The following CLEC16A variants were observed in gnomAD, a reference collection of about 807,000 sequenced individuals.
CLEC16A encodes the protein C-type lectin domain containing 16A.
In CLEC16A, 51 loss-of-function variants were observed where a neutral mutation model predicts 109.5. The ratio of observed to expected loss-of-function variants is 0.47; its 90% confidence interval spans 0.37 to 0.59. The LOEUF is 0.59. Among genes scored for constraint, CLEC16A ranks in the 20% least tolerant of loss-of-function variants. The pLI, the probability that CLEC16A is intolerant of heterozygous loss-of-function variation, is 0.00. For synonymous variants in CLEC16A, 673 were observed against 564.2 expected (o/e 1.19, Z -2.73); for missense variants, 1,339 against 1,394.0 (o/e 0.96, Z 0.63).
intron 2 of CLEC16A, among the ~76,000 whole-genome samples, chr16:10,960,890 C>T (rs1191440995): frequency 1.3e-5 from 2 of 152,118 alleles, no homozygotes; most frequent in African/African-American, 4.8e-5. Flanking sequence ...GTTCTTGTAT[C>T]CCCTCGATAT....
intron 1 of CLEC16A, among the ~76,000 whole-genome samples, chr16:10,951,188 T>A: frequency 6.6e-6 from 1 of 152,212 alleles, no homozygotes; most frequent in East Asian, 1.9e-4. Context: ...TCCAGGCATT[T>A]CAAACTCTGA....
intron 13 of CLEC16A, among the ~76,000 whole-genome samples, chr16:11,031,393 G>A (rs377153392): frequency 6.6e-6 from 1 of 152,294 alleles, no homozygotes; most frequent in East Asian, 1.9e-4. Context: ...GAGCAGAGAC[G>A]TCATGGCTTA....
chr16:11,178,778 A>G lies in CLEC16A; in HGVS notation c.*88A>G, dbSNP rs2068867446. ...CTGGCAAGACACACTGGGAGCACCC[A>G]CCATTCTGTGCGGCCCCCAGCAGCC... On this transcript the variant is annotated 3_prime_UTR_variant, in exon 24 of 24. Transcript: ENST00000409790. The surrounding 1 kb of genome is among the most constrained non-coding windows in gnomAD (Gnocchi z 6.5). The G allele has an allele frequency of 1.9e-6, 2 of 1,063,526 alleles. No individual in the cohort carries two copies. Among genetic ancestry groups the G allele is most frequent in the Non-Finnish European group, 2.6e-6 (2 of 761,416 alleles). 65.9% of individuals were successfully genotyped at this position (1,063,526 alleles called of 1,614,324 possible).
At chr16:11,022,598 G>T (rs967550724) in intron 12 of CLEC16A, among the ~76,000 whole-genome samples, 15 of 152,042 alleles carry the variant, frequency 9.9e-5, no homozygotes, top group Middle Eastern at 3.4e-3. Context: ...CTGCACTGGG[G>T]GTTAAATATA....
intron 3 of CLEC16A, among the ~76,000 whole-genome samples, chr16:10,964,081 C>T (rs1419102206): frequency 6.6e-6 from 1 of 152,204 alleles, no homozygotes; most frequent in East Asian, 1.9e-4. Context: ...TCTAAGTCCC[C>T]AGGACAGGTC....
intron 19 of CLEC16A, among the ~76,000 whole-genome samples, chr16:11,119,125 G>A (rs2052217151): frequency 6.6e-6 from 1 of 152,036 alleles, no homozygotes; most frequent in South Asian, 2.1e-4. Context: ...TCAGCCTCCC[G>A]AGTAGCTGGG....
intron 19 of CLEC16A, among the ~76,000 whole-genome samples, chr16:11,078,924 T>C (rs954108377): frequency 1.3e-5 from 2 of 152,142 alleles, no homozygotes; most frequent in Non-Finnish European, 2.9e-5. Context: ...GTAGTTGAGT[T>C]TGTGGAAGTT....
intron 13 of CLEC16A, among the ~76,000 whole-genome samples, chr16:11,029,648 A>G (rs1034769258): frequency 6.6e-6 from 1 of 152,130 alleles, no homozygotes; most frequent in African/African-American, 2.4e-5. Flanking sequence ...TTTTGTATAT[A>G]TTGTCTTGCT....
chr16:11,001,873 A>T (rs1482165343), intron 10 of CLEC16A, among the ~76,000 whole-genome samples: 3 of 152,292 alleles, frequency 2.0e-5, no homozygotes, highest in Admixed American at 6.5e-5. Context: ...TATTGCTGAT[A>T]CTTACTAGGC....
chr16:11,080,049 A>G (rs756983797), intron 19 of CLEC16A, among the ~76,000 whole-genome samples: 11 of 152,216 alleles, frequency 7.2e-5, no homozygotes, highest in Non-Finnish European at 1.2e-4. Flanking sequence ...CACAGTAACC[A>G]TAATAGATCC....
At chr16:10,951,692 C>T (rs1024970764) in intron 1 of CLEC16A, among the ~76,000 whole-genome samples, 1 of 152,224 alleles carries the variant, frequency 6.6e-6, no homozygotes, top group African/African-American at 2.4e-5. Flanking sequence ...GAGGTACATA[C>T]ATAGTTTGAG....
At chr16:11,037,801 C>T (rs1453638311) in intron 13 of CLEC16A, among the ~76,000 whole-genome samples, 4 of 147,012 alleles carry the variant, frequency 2.7e-5, no homozygotes, top group Admixed American at 6.8e-5. Context: ...CCCCCACCCC[C>T]AGAACCACTG....
chr16:10,956,656 G>A (rs2042002583), intron 1 of CLEC16A, among the ~76,000 whole-genome samples: 1 of 152,180 alleles, frequency 6.6e-6, no homozygotes, highest in African/African-American at 2.4e-5. Context: ...CTCAGGACTG[G>A]CCTCGGTGAT....
intron 19 of CLEC16A, among the ~76,000 whole-genome samples, chr16:11,077,428 T>A (rs2049437394): frequency 1.4e-5 from 2 of 144,244 alleles, no homozygotes; most frequent in Admixed American, 7.3e-5. Context: ...GCCAAGATTG[T>A]GCCACTGCAC....
chr16:11,165,077 G>A (rs2068199983), intron 22 of CLEC16A, among the ~76,000 whole-genome samples: 2 of 152,156 alleles, frequency 1.3e-5, no homozygotes, highest in South Asian at 4.1e-4. Flanking sequence ...GTGCCACGAA[G>A]CACCATCACC....
chr16:10,966,360 G>A (rs1437207501), intron 3 of CLEC16A, among the ~76,000 whole-genome samples: 1 of 152,204 alleles, frequency 6.6e-6, no homozygotes, highest in African/African-American at 2.4e-5. Flanking sequence ...CAGGCAAAAC[G>A]AGTCTGATGT....
At position 10,962,533 on chromosome 16, in the gene CLEC16A, G is replaced by T; in HGVS notation, c.288G>T (p.Gln96His). 6.2e-7 allele frequency: 1 copy of T among 1,613,922 alleles called. No individual in the cohort carries two copies. The highest frequency in any genetic ancestry group is 1.3e-5 in the African/African-American group (1 of 75,024). ...RQKSGRYVCV[Q>H]LLQTLNILFE... Reference sequence around the variant, plus strand: ...AGTCGGGCCGTTACGTGTGCGTTCAGCTGCTGCAGACCTTGAACATCCTCT... The same window carrying T: ...AGTCGGGCCGTTACGTGTGCGTTCATCTGCTGCAGACCTTGAACATCCTCT... Residue 96 changes from glutamine to histidine, a missense_variant, in exon 3 of 24, where the codon CAG becomes CAT. By Grantham distance (24) the Gln-to-His change is conservative. Transcript: ENST00000409790.
intron 9 of CLEC16A, among the ~76,000 whole-genome samples, chr16:10,980,639 G>A (rs2043271010): frequency 6.6e-6 from 1 of 152,086 alleles, no homozygotes; most frequent in Non-Finnish European, 1.5e-5. Flanking sequence ...GGTTTGCTTT[G>A]TAAAGGACCA....
intron 23 of CLEC16A, among the ~76,000 whole-genome samples, chr16:11,171,981 A>G (rs1369322190): frequency 5.4e-5 from 8 of 148,346 alleles, no homozygotes; most frequent in Admixed American, 4.7e-4. Context: ...CACATACACA[A>G]TCACACACAT....
Sources: allele counts gnomAD v4.1 joint callset (sites outside exome capture counted in the v4.1 genomes callset), GRCh38; gene constraint gnomAD v4.1.1; non-coding constraint Gnocchi (gnomAD v3.1); transcripts MANE v1.5; gene names NCBI Gene and HGNC (gene_info 2026-07-23, HGNC 2026-07-21).